DOCK6: variants seen among roughly 807,000 people sequenced by gnomAD.
The protein encoded by DOCK6 is dedicator of cytokinesis protein 6.
DOCK6 carries 167 observed loss-of-function variants against 230.3 expected under a neutral mutation model. The observed-to-expected ratio is 0.73, with a 90% CI of 0.64 to 0.82. The LOEUF is 0.82. Ranked by LOEUF, DOCK6 falls within the 40% of genes least tolerant of loss-of-function variation. The probability of loss-of-function intolerance (pLI) is 0.00; values close to 1 mark genes in which losing one functional copy is unlikely to be tolerated. For missense variants in DOCK6, 2,598 were observed against 2,825.8 expected (o/e 0.92, Z 1.83); for synonymous variants, 1,148 against 1,185.0 (o/e 0.97, Z 0.64).
intron 1 of DOCK6, among the ~76,000 whole-genome samples, chr19:11,259,931 T>C (rs186055277): frequency 0.019 from 2,262 of 121,494 alleles, 49 homozygotes; most frequent in African/African-American, 0.062. Context: ...TCACCCAGGC[T>C]GGAGTGCAGT....
Position 11,212,050 on chromosome 19 carries a change from G to A in DOCK6, c.4593C>T (p.Thr1531=). ...SEEHLRRSLK[T]ILTYAEEDMG... ...TGTCCTCCTCAGCATAGGTGAGGAT[G>A]GTTTTGAGTGAACGTCGCAGGTGCT... Residue 1531 remains threonine (T), a synonymous_variant, in exon 36 of 48, where the codon ACC becomes ACT. Transcript: ENST00000294618. 1 of 1,610,858 alleles carries A rather than the reference G, an allele frequency of 6.2e-7. No homozygotes were observed. Among genetic ancestry groups the A allele is most frequent in the Non-Finnish European group, 8.5e-7 (1 of 1,178,950 alleles).
At chr19:11,229,337 C>T (rs950330194) in intron 22 of DOCK6, 7 of 1,149,628 alleles carry the variant, frequency 6.1e-6, no homozygotes, top group Admixed American at 4.4e-5. Context: ...CTGGTGGGGC[C>T]GAGGAGGAAC....
chr19:11,252,572 G>T, intron 3 of DOCK6, 22 bp from the exon 4 acceptor site: 6 of 1,613,814 alleles, frequency 3.7e-6, no homozygotes, highest in Non-Finnish European at 5.1e-6. Context: ...GAAGATCAGG[G>T]TAAACAGAGA....
At chr19:11,230,755 G>A (rs1393031583) in intron 22 of DOCK6, among the ~76,000 whole-genome samples, 1 of 152,048 alleles carries the variant, frequency 6.6e-6, no homozygotes, top group Non-Finnish European at 1.5e-5. Flanking sequence ...AGCAGAGAGA[G>A]CCCAAGGTTC....
chr19:11,215,780 G>A (rs374489262), intron 31 of DOCK6, 21 bp downstream of exon 31: 535 of 1,613,704 alleles, frequency 3.3e-4, no homozygotes, highest in Non-Finnish European at 4.3e-4. Flanking sequence ...ATGGGGACAC[G>A]TGGGTATGTC....
At chr19:11,224,452 C>A (rs2079632798) in intron 24 of DOCK6, among the ~76,000 whole-genome samples, 1 of 152,056 alleles carries the variant, frequency 6.6e-6, no homozygotes, top group African/African-American at 2.4e-5. Context: ...CTCAGGTGAT[C>A]CGCCCTCCTC....
chr19:11,200,338 TG>T lies in DOCK6; in HGVS notation c.6070del (p.Gln2024SerfsTer2). The T allele has an allele frequency of 6.3e-7, 1 of 1,575,330 alleles. No homozygotes were observed. The highest frequency in any genetic ancestry group is 1.2e-5 in the South Asian group (1 of 85,910). On this transcript the variant is annotated frameshift_variant, in exon 47 of 48. Coordinates refer to ENST00000294618, the MANE Select transcript of DOCK6 (RefSeq NM_020812.4). LOFTEE classifies it high-confidence loss of function. This position sits in a 1 kb window ranked among gnomAD's most constrained non-coding sequence, Gnocchi z 4.3. ...GCCGGGTGGGGTGGGTGCCATCAGCTGGGGCAGGCGCTGGGTAAGCAGGGGC... is the reference window on the plus strand; with the variant it reads ...GCCGGGTGGGGTGGGTGCCATCAGCTGGGCAGGCGCTGGGTAAGCAGGGGC... ...LQPLLTQRLP[Q>X]LMAPTPPGLR...
rs1376087160 is a variant in DOCK6 at position 11,236,305 on chromosome 19, T to C, written c.2392+41A>G. On this transcript the variant is annotated intron_variant, in intron 20 of 47. Transcript: ENST00000294618. The surrounding 1 kb of genome is among the most constrained non-coding windows in gnomAD (Gnocchi z 5.2). ...TCAGGACCTCAGGACTGAGAAGCCA[T>C]GTGGATGGGGAAACTGAGGTCTGAG... is the stretch of plus-strand genomic sequence containing the variant. 4 of 1,506,020 alleles carry C rather than the reference T, an allele frequency of 2.7e-6. No individual in the cohort carries two copies. Among genetic ancestry groups the C allele is most frequent in the East Asian group, 2.5e-5 (1 of 40,296 alleles). The allele number at this position is 1,506,020 out of a possible 1,614,324, so 93.3% of individuals were successfully genotyped here. A position where few individuals can be genotyped will look rare whatever the true frequency, so the allele number is the denominator to read the frequency against.
chr19:11,209,032 G>C lies in DOCK6; in HGVS notation c.4823C>G (p.Ala1608Gly). 6.2e-7 allele frequency: 1 copy of C among 1,612,020 alleles called. No homozygotes were observed. Among genetic ancestry groups the C allele is most frequent in the Non-Finnish European group, 8.5e-7 (1 of 1,179,354 alleles). The part of the protein sequence containing the change: ...TWLQNMAGKH[A>G]ELGNHAEAAQ... ...GGCCTCGGCGTGGTTGCCCAGCTCC[G>C]CGTGCTTCCCGGCCATGTTCTGCAA... The change falls in exon 38 of 48, where the codon GCG (alanine) becomes GGG (glycine). Residue 1608 changes from alanine (A) to glycine (G), a missense_variant. By Grantham distance (60) the Ala-to-Gly change is moderately conservative (BLOSUM62 0). Coordinates refer to ENST00000294618, the MANE Select transcript of DOCK6 (RefSeq NM_020812.4).
At chr19:11,227,573 C>CTTGAAGGGCTGTGGGTGGGGA in intron 23 of DOCK6, 96 bp from the exon 24 acceptor site, 1 of 1,388,530 alleles carries the variant, frequency 7.2e-7, no homozygotes, top group Non-Finnish European at 9.6e-7. Context: ...GTGGGTGGGG[C>CTTGAAGGGCTGTGGGTGGGGA]TTGAAGGACT....
At chr19:11,227,809 G>T (rs1371987837) in intron 23 of DOCK6, among the ~76,000 whole-genome samples, 1 of 151,872 alleles carries the variant, frequency 6.6e-6, no homozygotes, top group African/African-American at 2.4e-5. Context: ...GGAAGGCTGA[G>T]AGGATGTGGG....
intron 5 of DOCK6, chr19:11,251,304 C>T (rs2080114531): frequency 1.8e-6 from 1 of 558,460 alleles, no homozygotes; most frequent in Non-Finnish European, 3.2e-6. Context: ...GGGGAGGCTA[C>T]TCCTTATCCC....
Position 11,202,260 on chromosome 19 carries a change from G to T in DOCK6, c.5451+134C>A. The T allele has an allele frequency of 7.2e-7, 1 of 1,387,008 alleles. No individual in the cohort carries two copies. The highest frequency in any genetic ancestry group is 9.9e-7 in the Non-Finnish European group (1 of 1,005,262). The allele number at this position is 1,387,008 out of a possible 1,614,324, so 85.9% of individuals were successfully genotyped here. The stretch of plus-strand genomic sequence containing the variant: ...GTCTGGATGTTTGGGAATCCCCTGA[G>T]GAATAGGTTTTGGGGTCCCTCAGTG... On this transcript the variant is annotated intron_variant, in intron 43 of 47. Transcript: ENST00000294618. The surrounding 1 kb of genome is among the most constrained non-coding windows in gnomAD (Gnocchi z 5.3).
intron 1 of DOCK6, among the ~76,000 whole-genome samples, chr19:11,259,692 G>C (rs955686855): frequency 6.7e-5 from 10 of 149,902 alleles, no homozygotes; most frequent in African/African-American, 2.2e-4. Context: ...CGAGTAGCTG[G>C]GATTACAGGC....
chr19:11,201,128 A>C lies in DOCK6; in HGVS notation c.5689-76T>G. Reference sequence around the variant, plus strand: ...GATCGAAGCCAGTCGGGGGCAGCTCAGACCCCGCTGGGAGTGAGAGGGGTC... The same window carrying C: ...GATCGAAGCCAGTCGGGGGCAGCTCCGACCCCGCTGGGAGTGAGAGGGGTC... On this transcript the variant is annotated intron_variant, in intron 44 of 47. Coordinates refer to ENST00000294618, the MANE Select transcript of DOCK6 (RefSeq NM_020812.4). The surrounding 1 kb of genome is among the most constrained non-coding windows in gnomAD (Gnocchi z 4.3). 6.4e-7 allele frequency: 1 copy of C among 1,558,554 alleles called. No homozygotes were observed.
intron 14 of DOCK6, chr19:11,241,838 C>A: frequency 1.4e-6 from 2 of 1,385,952 alleles, no homozygotes; most frequent in Admixed American, 2.0e-5. Flanking sequence ...CAGACGCAGG[C>A]GGGGACAAAG....
chr19:11,209,236 C>A lies in DOCK6; in HGVS notation c.4752-133G>T, dbSNP rs2079320719. On this transcript the variant is annotated intron_variant, in intron 37 of 47. Transcript: ENST00000294618. ...GACCAGCCAATCTCCTCACCTGTAC[C>A]CCATCCCCTCACTCATTCCCTCACC... 6 of 1,011,538 alleles carry A rather than the reference C, an allele frequency of 5.9e-6. No individual in the cohort carries two copies. The African/African-American group carries it at 6.4e-5, about 11-fold the overall frequency. The allele number at this position is 1,011,538 out of a possible 1,614,324, so 62.7% of individuals were successfully genotyped here.
rs763035223 is a variant in DOCK6, at chr19:11,238,301, G to A, written c.1647C>T (p.Asn549=). The A allele has an allele frequency of 1.9e-6, 3 of 1,604,426 alleles. No individual in the cohort carries two copies. The highest frequency in any genetic ancestry group is 2.7e-5 in the African/African-American group (2 of 74,830). Residue 549 remains asparagine, a synonymous_variant, in exon 15 of 48, where the codon AAC becomes AAT. Coordinates refer to ENST00000294618, the MANE Select transcript of DOCK6 (RefSeq NM_020812.4). Reference sequence around the variant, plus strand: ...GGCTGTGCGGGTACACGTACAGCAGGTTCCTGTGGGGGGCAGGATGGGGGT... The same window carrying A: ...GGCTGTGCGGGTACACGTACAGCAGATTCCTGTGGGGGGCAGGATGGGGGT... ...EVYAPHTSYR[N]LLYVYPHSLN... is the part of the protein sequence containing the mutation.
Position 11,236,465 on chromosome 19 carries a change from C to G in DOCK6, c.2273G>C (p.Arg758Pro), listed in dbSNP as rs773858252. 2 of 1,594,788 alleles carry G rather than the reference C, an allele frequency of 1.3e-6. No individual in the cohort carries two copies. Among genetic ancestry groups the G allele is most frequent in the Non-Finnish European group, 1.7e-6 (2 of 1,171,440 alleles). ...CAGGCGCAGTGCTGCAAGACTGGCCCGCAGCTCCTGCTCCACGTTGCCCTC... is the reference window on the plus strand; with the variant it reads ...CAGGCGCAGTGCTGCAAGACTGGCCGGCAGCTCCTGCTCCACGTTGCCCTC... ...LSEGNVEQEL[R>P]ASLAALRLAS... is the part of the protein sequence containing the mutation. Residue 758 changes from arginine to proline, a missense_variant, in exon 20 of 48, where the codon CGG becomes CCG. Coordinates refer to ENST00000294618, the MANE Select transcript of DOCK6 (RefSeq NM_020812.4). The surrounding 1 kb of genome is among the most constrained non-coding windows in gnomAD (Gnocchi z 5.2).
Sources: gnomAD v4.1 joint callset for allele counts (sites outside exome capture counted in the v4.1 genomes callset) on GRCh38, gnomAD v4.1.1 for gene constraint, Gnocchi (gnomAD v3.1) non-coding constraint, MANE v1.5 for transcripts, NCBI Gene and HGNC (gene_info 2026-07-23, HGNC 2026-07-21) for gene names.